FLNB: variants seen among roughly 807,000 people sequenced by gnomAD.
FLNB encodes filamin-B.
In FLNB, 111 loss-of-function variants were observed where a neutral mutation model predicts 250.6. That is an observed-to-expected ratio of 0.44 (90% CI 0.38 to 0.52). The LOEUF (loss-of-function observed/expected upper bound fraction) is 0.52. Ranked by LOEUF, FLNB falls within the 20% of genes least tolerant of loss-of-function variation. FLNB has a pLI of 0.00. For synonymous variants in FLNB, 1,302 were observed against 1,372.1 expected, an observed-to-expected ratio of 0.95 and a Z score of 1.13; for missense variants, 2,869 against 3,447.8, an observed-to-expected ratio of 0.83 and a Z score of 4.20.
intron 34 of FLNB, 22 bp from the exon 35 acceptor site, chr3:58,148,184 C>G (rs768742653): frequency 1.9e-6 from 3 of 1,614,062 alleles, no homozygotes; most frequent in Non-Finnish European, 2.5e-6. Flanking sequence ...AACGGGAGTC[C>G]TTTTTGGGGG....
chr3:58,112,346 T>G, intron 18 of FLNB, 28 bp downstream of exon 18: 16 of 1,609,426 alleles, frequency 9.9e-6, no homozygotes, highest in Non-Finnish European at 1.4e-5. Flanking sequence ...TCTGCTCCCC[T>G]GGCCCCCAGC....
At chr3:58,079,116 C>G (rs1171019172) in intron 3 of FLNB, among the ~76,000 whole-genome samples, 2 of 152,162 alleles carry the variant, frequency 1.3e-5, no homozygotes, top group Non-Finnish European at 2.9e-5. Flanking sequence ...TGAAGACTAC[C>G]TTTAAACCCC....
In FLNB at chr3:58,123,538, C is replaced by T. The variant is rs773392236; in HGVS notation, c.3572C>T (p.Ala1191Val). 31 of 1,607,474 alleles carry T rather than the reference C, an allele frequency of 1.9e-5. No individual in the cohort carries two copies. Among genetic ancestry groups the T allele is most frequent in the Non-Finnish European group, 2.5e-5 (30 of 1,176,974 alleles). ...CAGAACAACAAAGATGGCACCTACG[C>T]GGTGACCTACGTGCCCCTGACGGCC... ...SIQNNKDGTY[A>V]VTYVPLTAGM... Residue 1191 changes from alanine (A) to valine (V), a missense_variant, in exon 21 of 46, where the codon GCG becomes GTG. This residue lies in a region of FLNB where 1,348 missense variants were observed against 1,466.7 expected (regional missense o/e 0.92). Transcript: ENST00000295956.
intron 1 of FLNB, among the ~76,000 whole-genome samples, chr3:58,052,280 C>G (rs1309769035): frequency 3.3e-5 from 5 of 152,166 alleles, no homozygotes; most frequent in African/African-American, 1.2e-4. Context: ...CAGGAAAAAT[C>G]ACTCCATGTA....
intron 1 of FLNB, among the ~76,000 whole-genome samples, chr3:58,071,667 G>C (rs2097194785): frequency 6.6e-6 from 1 of 152,120 alleles, no homozygotes; most frequent in South Asian, 2.1e-4. Flanking sequence ...TTCCTTCTCA[G>C]GAGGGCAAAA....
In FLNB at chr3:58,112,169, A is replaced by G. The variant is rs767117429; in HGVS notation, c.2596A>G (p.Thr866Ala). ...SKAGVENGKP[T>A]HFTVYTKGAG... ...TCCAGGTGTGGAAAATGGGAAACCG[A>G]CCCACTTCACTGTCTACACCAAGGG... The change falls in exon 18 of 46, where the codon ACC becomes GCC. Residue 866 changes from threonine to alanine, a missense_variant. By Grantham distance (58) the Thr-to-Ala change is moderately conservative. Around this residue, in one of 5 missense-constraint regions of FLNB, gnomAD observed 1,348 missense variants for 1,466.7 expected, o/e 0.92. Coordinates refer to ENST00000295956, the MANE Select transcript of FLNB (RefSeq NM_001457.4). The G allele has an allele frequency of 2.5e-5, 40 of 1,613,890 alleles. No individual in the cohort carries two copies. The highest frequency in any genetic ancestry group is 3.4e-5 in the Non-Finnish European group (40 of 1,179,984).
At chr3:58,064,777 C>T (rs1449471390) in intron 1 of FLNB, among the ~76,000 whole-genome samples, 2 of 152,122 alleles carry the variant, frequency 1.3e-5, no homozygotes, top group South Asian at 2.1e-4. Context: ...CTTTGAGAGG[C>T]CAATGTGGGC....
intron 25 of FLNB, chr3:58,132,563 G>A (rs1325622478): frequency 5.2e-6 from 3 of 574,954 alleles, no homozygotes; most frequent in Non-Finnish European, 6.2e-6. Context: ...TTATACTCTA[G>A]GGCAGACTGA....
At chr3:58,059,573 G>C (rs1177593673) in intron 1 of FLNB, among the ~76,000 whole-genome samples, 1 of 152,174 alleles carries the variant, frequency 6.6e-6, no homozygotes, top group Non-Finnish European at 1.5e-5. Flanking sequence ...CTCCAGCCAC[G>C]GCAGCAGCTG....
In FLNB at chr3:58,104,156, T is replaced by G. The variant is rs1419301742; in HGVS notation, c.1610+71T>G. On this transcript the variant is annotated intron_variant, in intron 10 of 45. Coordinates refer to ENST00000295956, the MANE Select transcript of FLNB (RefSeq NM_001457.4). ...CCAGGGCGGACTCATGGGTAGTTGC[T>G]TCCCGGGCTGCAGGAGGGAAAGAGA... 5 of 1,531,256 alleles carry G rather than the reference T, an allele frequency of 3.3e-6. No individual in the cohort carries two copies. In the East Asian group the frequency reaches 9.1e-5, roughly 28 times the overall value. 94.9% of individuals were successfully genotyped at this position (1,531,256 alleles called of 1,614,324 possible). A position where few individuals can be genotyped will look rare whatever the true frequency, so the allele number is the denominator to read the frequency against.
At chr3:58,168,404 G>A in intron 43 of FLNB, 36 bp from the exon 44 acceptor site, 1 of 1,546,738 alleles carries the variant, frequency 6.5e-7, no homozygotes, top group Non-Finnish European at 8.9e-7. Flanking sequence ...AGCCCTCCAA[G>A]TCATCAACAC....
rs1327121464 is a variant in FLNB at position 58,053,955 on chromosome 3, C to A, written c.293-23091C>A. 3.3e-5 allele frequency among the ~76,000 whole-genome samples: 5 copies of A among 152,322 alleles called. No homozygotes were observed. The East Asian group carries it at 9.7e-4, about 29-fold the overall frequency. ...TGCCTCCCAGAGGCGCGAAGAGCAA[C>A]ACCTTTCACCTGGGCTGTCCTAGAA... On this transcript the variant is annotated intron_variant, in intron 1 of 45. Coordinates refer to ENST00000295956, the MANE Select transcript of FLNB (RefSeq NM_001457.4).
At chr3:58,041,968 A>C (rs2097146691) in intron 1 of FLNB, among the ~76,000 whole-genome samples, 1 of 152,188 alleles carries the variant, frequency 6.6e-6, no homozygotes, top group Admixed American at 6.5e-5. Flanking sequence ...TCTGAGACTC[A>C]TTAGAGAGTT....
intron 28 of FLNB, among the ~76,000 whole-genome samples, chr3:58,137,936 G>T (rs980711485): frequency 3.9e-5 from 6 of 152,118 alleles, no homozygotes; most frequent in Non-Finnish European, 7.3e-5. Context: ...TTGAGAGCAG[G>T]GACTGTGTCT....
chr3:58,104,128 G>A (rs369252572), intron 10 of FLNB, 43 bp downstream of exon 10: 61 of 1,608,350 alleles, frequency 3.8e-5, no homozygotes, highest in South Asian at 2.2e-4. Flanking sequence ...GAGGGTGCTC[G>A]GCCCAGGGCG....
intron 1 of FLNB, among the ~76,000 whole-genome samples, chr3:58,072,821 A>T (rs2106930752): frequency 6.6e-6 from 1 of 152,326 alleles, no homozygotes; most frequent in African/African-American, 2.4e-5. Flanking sequence ...TATTTTTTGT[A>T]AATTTGGCTC....
chr3:58,130,734 C>T lies in FLNB; in HGVS notation c.4223-7C>T. On this transcript the variant is annotated splice_polypyrimidine_tract_variant and splice_region_variant and intron_variant, in intron 24 of 45. Coordinates refer to ENST00000295956, the MANE Select transcript of FLNB (RefSeq NM_001457.4). ...TTGTGCTCAGAATCCCACAACCTCT[C>T]TTCCAGGCAGCCCCTTCAGGGTTCC... is the stretch of plus-strand genomic sequence containing the variant. 1 of 1,611,740 alleles carries T rather than the reference C, an allele frequency of 6.2e-7. No individual in the cohort carries two copies. The highest frequency in any genetic ancestry group is 8.5e-7 in the Non-Finnish European group (1 of 1,179,002).
chr3:58,121,164 C>T, intron 19 of FLNB, 77 bp from the exon 20 acceptor site: 1 of 1,591,498 alleles, frequency 6.3e-7, no homozygotes. Context: ...TCCAAAGAAC[C>T]ATTGCTTCTG....
intron 20 of FLNB, 69 bp downstream of exon 20, chr3:58,121,572 G>C: frequency 1.3e-6 from 2 of 1,587,934 alleles, no homozygotes; most frequent in Non-Finnish European, 1.7e-6. Context: ...TCCTTCTCTG[G>C]TTCTTCCTGG....
Sources: gnomAD v4.1 joint callset for allele counts (sites outside exome capture counted in the v4.1 genomes callset) on GRCh38, gnomAD v4.1.1 for gene constraint, gnomAD v4.1.1 regional missense constraint, MANE v1.5 for transcripts, NCBI Gene and HGNC (gene_info 2026-07-23, HGNC 2026-07-21) for gene names.